Variants in TMLHE observed in about 807,000 individuals in gnomAD.
TMLHE encodes the protein trimethyllysine hydroxylase, epsilon.
Under a neutral mutation model 25.7 loss-of-function variants are expected in TMLHE, and 18 were observed. The observed-to-expected ratio is 0.70, with a 90% CI of 0.48 to 1.04. The LOEUF (loss-of-function observed/expected upper bound fraction) is 1.04, where lower values mean the gene tolerates loss of function less well. Ranked by LOEUF, TMLHE falls within the 50% of genes least tolerant of loss-of-function variation. The pLI, the probability that TMLHE is intolerant of heterozygous loss-of-function variation, is 0.00. For synonymous variants in TMLHE, 105 were observed against 97.0 expected (o/e 1.08, Z -0.49); for missense variants, 236 against 259.0 (o/e 0.91, Z 0.61).
rs2067523578 is a variant in TMLHE, at chrX:155,568,626, C to G, written c.-1-23349G>C. On this transcript the variant is annotated intron_variant, in intron 1 of 7. Coordinates refer to ENST00000334398, the MANE Select transcript of TMLHE (RefSeq NM_018196.4). The stretch of plus-strand genomic sequence containing the variant: ...ACACCTCACACGGCTGGGTACTCCT[C>G]TGAGACAAAACTTCCAGAGGAACGA... 3.2e-5 allele frequency among the ~76,000 whole-genome samples: 2 copies of G among 61,871 alleles called. 1 individual carries two copies. The highest frequency in any genetic ancestry group is 3.8e-4 in the Admixed American group (2 of 5,314). The allele number at this position is 61,871 out of a possible 115,157, so 53.7% of individuals were successfully genotyped here.
chrX:155,548,069 C>G (rs930282043), intron 1 of TMLHE, among the ~76,000 whole-genome samples: 4 of 111,801 alleles, frequency 3.6e-5, no homozygotes, highest in Admixed American at 9.5e-5. Context: ...AGACCCCTAC[C>G]TCTTGCCATA....
At chrX:155,507,198 T>TTA in intron 5 of TMLHE, 64 bp from the exon 6 acceptor site, 1 of 730,032 alleles carries the variant, frequency 1.4e-6, no homozygotes, top group Non-Finnish European at 2.0e-6. Context: ...ATTCTAGAAA[T>TTA]TATATATAAA....
intron 1 of TMLHE, among the ~76,000 whole-genome samples, chrX:155,549,429 T>G (rs1179860841): frequency 9.0e-6 from 1 of 110,562 alleles, no homozygotes; most frequent in Admixed American, 9.6e-5. Context: ...TCTGAGAGTA[T>G]TTATCAGGAA....
intron 4 of TMLHE, among the ~76,000 whole-genome samples, chrX:155,512,587 G>A (rs1416044807): frequency 9.0e-6 from 1 of 110,838 alleles, no homozygotes; most frequent in Admixed American, 9.6e-5. Context: ...ATTTGGGTTG[G>A]TTCCAAGTCT....
chrX:155,521,950 C>T (rs782264272), intron 3 of TMLHE, among the ~76,000 whole-genome samples: 6 of 102,248 alleles, frequency 5.9e-5, no homozygotes, highest in African/African-American at 1.8e-4. Flanking sequence ...GAACCCGGTA[C>T]CTCAGATGGA....
chrX:155,600,585 T>C (rs1308694903), intron 1 of TMLHE, among the ~76,000 whole-genome samples: 1 of 111,788 alleles, frequency 8.9e-6, no homozygotes, highest in Admixed American at 9.5e-5. Context: ...CTGACAAAAG[T>C]TGCAATACTA....
chrX:155,570,996 A>C lies in TMLHE; in HGVS notation c.-1-25719T>G, dbSNP rs781857393. Among the ~76,000 whole-genome samples, 72 of 57,139 alleles carry C rather than the reference A, an allele frequency of 1.3e-3. 13 individuals carry two copies. The highest frequency in any genetic ancestry group is 3.0e-3 in the African/African-American group (71 of 23,837). The allele number at this position is 57,139 out of a possible 115,157, so 49.6% of individuals were successfully genotyped here. On this transcript the variant is annotated intron_variant, in intron 1 of 7. Transcript: ENST00000334398. ...ATAACTAAAATCAGAGCAGAACTGA[A>C]GGAAATAGAGACACAAAAAGACTCT...
chrX:155,603,358 AAAAG>A (rs782320543), intron 1 of TMLHE, among the ~76,000 whole-genome samples: 2 of 72,021 alleles, frequency 2.8e-5, no homozygotes, highest in East Asian at 4.3e-4. Flanking sequence ...AGAAGAAAAG[AAAAG>A]AAAGAATGAA....
At chrX:155,513,395 A>T (rs1180009314) in intron 4 of TMLHE, among the ~76,000 whole-genome samples, 1 of 111,637 alleles carries the variant, frequency 9.0e-6, no homozygotes, top group Non-Finnish European at 1.9e-5. Context: ...TTTGAGTGTC[A>T]GTGCCTCAGC....
intron 3 of TMLHE, among the ~76,000 whole-genome samples, chrX:155,516,268 T>G (rs1349279558): frequency 5.4e-5 from 1 of 18,638 alleles, no homozygotes; most frequent in African/African-American, 1.8e-4. Flanking sequence ...ATATGCGGTG[T>G]TTGGTTTTTT....
chrX:155,568,959 C>G (rs1316217849), intron 1 of TMLHE, among the ~76,000 whole-genome samples: 1,319 of 46,227 alleles, frequency 0.029, 32 homozygotes, highest in Non-Finnish European at 0.04. Context: ...CAGTTCCTCA[C>G]CAGCAACGGA....
intron 2 of TMLHE, 91 bp from the exon 3 acceptor site, chrX:155,524,723 C>A: frequency 1.2e-6 from 1 of 838,267 alleles, no homozygotes; most frequent in Non-Finnish European, 1.6e-6. Context: ...AGTCTTCTAC[C>A]AATAAGCAAT....
At chrX:155,508,620 G>A (rs782273520) in intron 5 of TMLHE, among the ~76,000 whole-genome samples, 159 of 110,905 alleles carry the variant, frequency 1.4e-3, no homozygotes, top group Non-Finnish European at 2.4e-3. Context: ...GGAGGCTGAG[G>A]AAAAATGGTC....
At chrX:155,530,165 G>T (rs1171123943) in intron 2 of TMLHE, among the ~76,000 whole-genome samples, 1 of 111,868 alleles carries the variant, frequency 8.9e-6, no homozygotes, top group Non-Finnish European at 1.9e-5. Flanking sequence ...GATATGGAAA[G>T]AACCTAAATG....
chrX:155,588,009 G>C (rs1359018796), intron 1 of TMLHE, among the ~76,000 whole-genome samples: 1 of 111,737 alleles, frequency 8.9e-6, no homozygotes, highest in Non-Finnish European at 1.9e-5. Flanking sequence ...CTTAAAATTT[G>C]TATGGAACTA....
At chrX:155,556,811 T>C (rs1395516927) in intron 1 of TMLHE, among the ~76,000 whole-genome samples, 2 of 110,953 alleles carry the variant, frequency 1.8e-5, no homozygotes, top group Non-Finnish European at 3.8e-5. Context: ...TTATTTCACC[T>C]CTGCAATCTC....
rs1207935388 is a variant in TMLHE, at chrX:155,571,491, A to G, written c.-1-26214T>C. On this transcript the variant is annotated intron_variant, in intron 1 of 7. Coordinates refer to ENST00000334398, the MANE Select transcript of TMLHE (RefSeq NM_018196.4). ...CCTCCCTAACTCATTTTATGAGGCCAGCATCATCCTGATACCAAAGCCGGG... is the reference window on the plus strand; with the variant it reads ...CCTCCCTAACTCATTTTATGAGGCCGGCATCATCCTGATACCAAAGCCGGG... 9.2e-5 allele frequency among the ~76,000 whole-genome samples: 5 copies of G among 54,343 alleles called. 2 individuals are homozygous for G. The highest frequency in any genetic ancestry group is 2.3e-3 in the South Asian group (2 of 877). 47.2% of individuals were successfully genotyped at this position (54,343 alleles called of 115,157 possible). A position where few individuals can be genotyped will look rare whatever the true frequency, so the allele number is the denominator to read the frequency against.
At chrX:155,518,282 T>C (rs1168427489) in intron 3 of TMLHE, among the ~76,000 whole-genome samples, 2 of 77,818 alleles carry the variant, frequency 2.6e-5, no homozygotes, top group African/African-American at 9.7e-5. Context: ...GATAATCATG[T>C]GGTTTTTGTC....
intron 1 of TMLHE, among the ~76,000 whole-genome samples, chrX:155,546,709 A>C (rs2067347264): frequency 9.0e-6 from 1 of 111,330 alleles, no homozygotes; most frequent in African/African-American, 3.3e-5. Flanking sequence ...AGTCAAATTT[A>C]TTGAGATTTT....
Sources: gnomAD v4.1 joint callset for allele counts (sites outside exome capture counted in the v4.1 genomes callset) on GRCh38, gnomAD v4.1.1 for gene constraint, MANE v1.5 for transcripts, NCBI Gene and HGNC (gene_info 2026-07-23, HGNC 2026-07-21) for gene names.